TTL: variants seen among roughly 807,000 people sequenced by gnomAD.
The protein encoded by TTL is tubulin--tyrosine ligase.
Under a neutral mutation model 41.1 loss-of-function variants are expected in TTL, and 10 were observed. That is an observed-to-expected ratio of 0.24 (90% CI 0.15 to 0.41). The LOEUF (loss-of-function observed/expected upper bound fraction) is 0.41, where lower values mean the gene tolerates loss of function less well. Ranked by LOEUF, TTL falls within the 10% of genes least tolerant of loss-of-function variation. TTL has a pLI of 1.00. For missense variants in TTL, 367 were observed against 460.4 expected (o/e 0.80, Z 1.86); for synonymous variants, 175 against 175.5 (o/e 1.00, Z 0.02).
chr2:112,518,622 C>T (rs1035635403), intron 5 of TTL, among the ~76,000 whole-genome samples: 5 of 151,572 alleles, frequency 3.3e-5, no homozygotes, highest in East Asian at 1.9e-4. Context: ...TCTAGAGCTA[C>T]GTCTTAGAGT....
At position 112,529,150 on chromosome 2, in the gene TTL, G is replaced by A. The variant is rs977394917; in HGVS notation, c.*355G>A. The stretch of plus-strand genomic sequence containing the variant: ...GCCCTAGTGCCTTAGCTCCATGCCC[G>A]GCTGCAGCCCCACTGCTCTGGACTA... On this transcript the variant is annotated 3_prime_UTR_variant, in exon 7 of 7. Coordinates refer to ENST00000233336, the MANE Select transcript of TTL (RefSeq NM_153712.5). The A allele has an allele frequency of 2.1e-5, 8 of 386,370 alleles. No individual in the cohort carries two copies. The highest frequency in any genetic ancestry group is 3.4e-5 in the South Asian group (1 of 29,230). The allele number at this position is 386,370 out of a possible 1,614,324, so 23.9% of individuals were successfully genotyped here.
At chr2:112,489,610 A>G (rs987864702) in intron 2 of TTL, among the ~76,000 whole-genome samples, 2 of 152,226 alleles carry the variant, frequency 1.3e-5, no homozygotes, top group Non-Finnish European at 2.9e-5. Context: ...AGTGTTCCTC[A>G]GATTTCTTTT....
intron 5 of TTL, among the ~76,000 whole-genome samples, chr2:112,519,742 T>A (rs185582841): frequency 6.6e-6 from 1 of 152,250 alleles, no homozygotes; most frequent in Non-Finnish European, 1.5e-5. Context: ...CATGGGAAAG[T>A]GGCTTTTGCC....
In TTL at chr2:112,521,923, G is replaced by A. The variant is rs141757615; in HGVS notation, c.1019+1498G>A. On this transcript the variant is annotated intron_variant, in intron 6 of 6. Transcript: ENST00000233336. ...AACGCAAGTTAGATGGGCTAAGGGC[G>A]GAATAAGGCAGGGATCCGCACCTTC... 2.5e-3 allele frequency among the ~76,000 whole-genome samples: 381 copies of A among 152,270 alleles called. 8 individuals carry two copies. The highest frequency in any genetic ancestry group is 3.3e-3 in the East Asian group (17 of 5,184).
Position 112,497,064 on chromosome 2 carries a change from C to T in TTL, c.469+2689C>T, listed in dbSNP as rs374364561. On this transcript the variant is annotated intron_variant, in intron 3 of 6. Transcript: ENST00000233336. The stretch of plus-strand genomic sequence containing the variant: ...CTCGATCTCCTGACCTCGTGATCCG[C>T]CCGCCTCAGCCTCCCAAAGTGCTGG... 5.3e-5 allele frequency among the ~76,000 whole-genome samples: 8 copies of T among 151,932 alleles called. No homozygotes were observed. The East Asian group carries it at 1.4e-3, about 26-fold the overall frequency.
chr2:112,489,736 T>G (rs1179271889), intron 2 of TTL, among the ~76,000 whole-genome samples: 1 of 152,248 alleles, frequency 6.6e-6, no homozygotes, highest in Non-Finnish European at 1.5e-5. Context: ...GAACATAAAT[T>G]CTCACACCTG....
chr2:112,486,028 A>G (rs746728781), intron 2 of TTL, 33 bp downstream of exon 2: 2 of 1,604,780 alleles, frequency 1.2e-6, no homozygotes, highest in Non-Finnish European at 1.7e-6. Context: ...TCCATTTTTT[A>G]CCTAAATGAA....
chr2:112,522,822 C>T (rs1400018390), intron 6 of TTL, among the ~76,000 whole-genome samples: 2 of 152,184 alleles, frequency 1.3e-5, no homozygotes, highest in Non-Finnish European at 1.5e-5. Context: ...CTCTAGCCTC[C>T]GGAGTCCTTT....
chr2:112,531,658 CT>C lies in TTL; in HGVS notation c.*2865del, dbSNP rs1682511741. 4.4e-6 allele frequency: 1 copy of C among 225,200 alleles called. No homozygotes were observed. The highest frequency in any genetic ancestry group is 2.2e-5 in the African/African-American group (1 of 44,936). 14.0% of individuals were successfully genotyped at this position (225,200 alleles called of 1,614,324 possible). A position where few individuals can be genotyped will look rare whatever the true frequency, so the allele number is the denominator to read the frequency against. ...GAAGGAAGGACAAACACATTATTAT[CT>C]TGGAAGAATTGCATAAGGCTTATGA... On this transcript the variant is annotated 3_prime_UTR_variant, in exon 7 of 7. Transcript: ENST00000233336.
In TTL at chr2:112,530,690, T is replaced by G. The variant is rs1044493668; in HGVS notation, c.*1895T>G. Reference sequence around the variant, plus strand: ...TTGTAATTATCTTTTGGACCCAAATTATAGAGACATTCACGAGTTTTCTAG... The same window carrying G: ...TTGTAATTATCTTTTGGACCCAAATGATAGAGACATTCACGAGTTTTCTAG... On this transcript the variant is annotated 3_prime_UTR_variant, in exon 7 of 7. Coordinates refer to ENST00000233336, the MANE Select transcript of TTL (RefSeq NM_153712.5). The G allele has an allele frequency of 2.3e-5, 5 of 214,700 alleles. No homozygotes were observed. Among genetic ancestry groups the G allele is most frequent in the Non-Finnish European group, 3.8e-5 (4 of 106,310 alleles). 13.3% of individuals were successfully genotyped at this position (214,700 alleles called of 1,614,324 possible).
chr2:112,495,543 A>T (rs991721796), intron 3 of TTL, among the ~76,000 whole-genome samples: 1 of 152,178 alleles, frequency 6.6e-6, no homozygotes, highest in Non-Finnish European at 1.5e-5. Flanking sequence ...ATGCCCTCAT[A>T]CGCTCTTTAT....
Position 112,533,797 on chromosome 2 carries a change from AC to A in TTL, c.*5003del, listed in dbSNP as rs1682552276. 3 of 152,352 alleles carry A rather than the reference AC, an allele frequency of 2.0e-5. No homozygotes were observed. In the East Asian group the frequency reaches 5.8e-4, roughly 29 times the overall value. 9.4% of individuals were successfully genotyped at this position (152,352 alleles called of 1,614,324 possible). A position where few individuals can be genotyped will look rare whatever the true frequency, so the allele number is the denominator to read the frequency against. Reference sequence around the variant, plus strand: ...TTGCAGTAGAGATTAAGTTTCCAACACATTTACTTTGGGGAACACATTCAAA... The same window carrying A: ...TTGCAGTAGAGATTAAGTTTCCAACAATTTACTTTGGGGAACACATTCAAA... On this transcript the variant is annotated 3_prime_UTR_variant, in exon 7 of 7. Coordinates refer to ENST00000233336, the MANE Select transcript of TTL (RefSeq NM_153712.5).
Position 112,536,665 on chromosome 2 carries a change from A to G in TTL, c.*7870A>G, listed in dbSNP as rs1682604077. On this transcript the variant is annotated 3_prime_UTR_variant, in exon 7 of 7. Coordinates refer to ENST00000233336, the MANE Select transcript of TTL (RefSeq NM_153712.5). ...ATAGTACCTAATGGTTAGCTTTCCAATCCTTGCACCCCTCCCTCCCTTCTC... is the reference window on the plus strand; with the variant it reads ...ATAGTACCTAATGGTTAGCTTTCCAGTCCTTGCACCCCTCCCTCCCTTCTC... 2 of 152,106 alleles carry G rather than the reference A, an allele frequency of 1.3e-5. No individual in the cohort carries two copies. Among genetic ancestry groups the G allele is most frequent in the Non-Finnish European group, 2.9e-5 (2 of 68,012 alleles). The allele number at this position is 152,106 out of a possible 1,614,324, so 9.4% of individuals were successfully genotyped here.
In TTL at chr2:112,532,546, T is replaced by G. The variant is rs1574077011; in HGVS notation, c.*3751T>G. The G allele has an allele frequency of 4.9e-6, 1 of 203,102 alleles. No individual in the cohort carries two copies. The highest frequency in any genetic ancestry group is 1.0e-5 in the Non-Finnish European group (1 of 98,876). The allele number at this position is 203,102 out of a possible 1,614,324, so 12.6% of individuals were successfully genotyped here. ...GTGGGAGGATCGCTTGAGGCTGAGG[T>G]GTGAGGCTGCAGTGAACCATGTTCA... On this transcript the variant is annotated 3_prime_UTR_variant, in exon 7 of 7. Transcript: ENST00000233336.
rs1198171453 is a variant in TTL, at chr2:112,502,560, C to T, written c.606-352C>T. ...GCTGAGGCAGGAGAATTGCTTGAAC[C>T]CGGAAGGCGGAGGTTGCAGTGAGCC... On this transcript the variant is annotated intron_variant, in intron 4 of 6. Coordinates refer to ENST00000233336, the MANE Select transcript of TTL (RefSeq NM_153712.5). 2.0e-5 allele frequency among the ~76,000 whole-genome samples: 3 copies of T among 151,654 alleles called. No individual in the cohort carries two copies. In the East Asian group the frequency reaches 5.8e-4, roughly 29 times the overall value.
At chr2:112,520,003 G>T (rs1004330430) in intron 5 of TTL, among the ~76,000 whole-genome samples, 1 of 151,922 alleles carries the variant, frequency 6.6e-6, no homozygotes, top group Non-Finnish European at 1.5e-5. Flanking sequence ...GGTGGCGCAT[G>T]CCTGTAATCC....
At chr2:112,489,134 T>C (rs1443648959) in intron 2 of TTL, among the ~76,000 whole-genome samples, 2 of 152,186 alleles carry the variant, frequency 1.3e-5, no homozygotes, top group Admixed American at 1.3e-4. Flanking sequence ...TTATTATATT[T>C]AACTAAATAA....
rs557386346 is a variant in TTL, at chr2:112,514,309, G to A, written c.876-5973G>A. ...AGGTGGGAGAATAGCTTGAACCTGGGGGGTGGAAGTTGCAGTGAGCCAAAA... is the reference window on the plus strand; with the variant it reads ...AGGTGGGAGAATAGCTTGAACCTGGAGGGTGGAAGTTGCAGTGAGCCAAAA... On this transcript the variant is annotated intron_variant, in intron 5 of 6. Transcript: ENST00000233336. 4.6e-5 allele frequency among the ~76,000 whole-genome samples: 7 copies of A among 152,100 alleles called. No individual in the cohort carries two copies. The South Asian group carries it at 1.5e-3, about 32-fold the overall frequency.
chr2:112,484,771 T>C (rs372789819), intron 1 of TTL, among the ~76,000 whole-genome samples: 2 of 152,292 alleles, frequency 1.3e-5, no homozygotes, highest in East Asian at 3.9e-4. Flanking sequence ...GTCTGTCTGC[T>C]CAGGGAGACC....
Sources: gnomAD v4.1 joint callset for allele counts (sites outside exome capture counted in the v4.1 genomes callset) on GRCh38, gnomAD v4.1.1 for gene constraint, MANE v1.5 for transcripts, NCBI Gene and HGNC (gene_info 2026-07-23, HGNC 2026-07-21) for gene names.